The following USP48 variants were observed in gnomAD, a reference collection of about 807,000 sequenced individuals.
USP48 encodes the protein ubiquitin carboxyl-terminal hydrolase 48.
USP48 carries 43 observed loss-of-function variants against 150.7 expected under a neutral mutation model. The observed-to-expected ratio is 0.29, with a 90% CI of 0.22 to 0.37. USP48 has a LOEUF of 0.37. USP48 is among the 10% of genes least tolerant of loss of function. USP48 has a pLI of 1.00. For synonymous variants in USP48, 396 were observed against 425.9 expected, an observed-to-expected ratio of 0.93 and a Z score of 0.86; for missense variants, 813 against 1,249.6, an observed-to-expected ratio of 0.65 and a Z score of 5.27.
At position 21,782,990 on chromosome 1, in the gene USP48, A is replaced by T; in HGVS notation, c.-33T>A. ...GCCCCAGGAACGCCTCCCGAGCCAG[A>T]CCGCCGCAGCCGCCGCCGCGGTCTG... On this transcript the variant is annotated 5_prime_UTR_variant, in exon 1 of 27. Transcript: ENST00000308271. The T allele has an allele frequency of 6.7e-7, 1 of 1,494,572 alleles. No individual in the cohort carries two copies. The highest frequency in any genetic ancestry group is 8.9e-7 in the Non-Finnish European group (1 of 1,129,682). The allele number at this position is 1,494,572 out of a possible 1,614,324, so 92.6% of individuals were successfully genotyped here. A position where few individuals can be genotyped will look rare whatever the true frequency, so the allele number is the denominator to read the frequency against.
At chr1:21,707,163 T>C (rs533784236) in intron 15 of USP48, among the ~76,000 whole-genome samples, 1 of 152,300 alleles carries the variant, frequency 6.6e-6, no homozygotes, top group East Asian at 1.9e-4. Flanking sequence ...GTGCATTTTC[T>C]TTCTCCTTGC....
chr1:21,781,079 T>C (rs2097913230), intron 1 of USP48, among the ~76,000 whole-genome samples: 3 of 150,746 alleles, frequency 2.0e-5, no homozygotes, highest in Admixed American at 1.3e-4. Context: ...TAAAAATTTA[T>C]TTTTTTAAAT....
Position 21,756,720 on chromosome 1 carries a change from T to G in USP48, c.256-18A>C, listed in dbSNP as rs759274456. On this transcript the variant is annotated intron_variant, in intron 2 of 26. Coordinates refer to ENST00000308271, the MANE Select transcript of USP48 (RefSeq NM_032236.8). ...AATGAGTTCTACAAAAATACAAAAT[T>G]CATAATTATAAAACCCATTTTCCTT... 5.0e-6 allele frequency: 8 copies of G among 1,611,322 alleles called. No homozygotes were observed. The highest frequency in any genetic ancestry group is 6.8e-6 in the Non-Finnish European group (8 of 1,179,194).
chr1:21,705,208 T>A (rs2097668735), intron 19 of USP48, among the ~76,000 whole-genome samples: 1 of 152,192 alleles, frequency 6.6e-6, no homozygotes, highest in East Asian at 1.9e-4. Context: ...TTCTACCTTC[T>A]CGTATATCAC....
At chr1:21,685,953 G>A (rs2097579366) in intron 25 of USP48, 1 of 151,730 alleles carries the variant, frequency 6.6e-6, no homozygotes, top group Non-Finnish European at 1.5e-5. Context: ...CTCATCTCTA[G>A]TAAAAATACA....
chr1:21,769,023 G>C (rs2097871123), intron 1 of USP48, among the ~76,000 whole-genome samples: 1 of 152,082 alleles, frequency 6.6e-6, no homozygotes, highest in African/African-American at 2.4e-5. Context: ...TTAAGTATTT[G>C]TGTTCGTTTT....
intron 1 of USP48, 80 bp from the exon 2 acceptor site, chr1:21,757,863 T>TA: frequency 6.9e-7 from 1 of 1,439,498 alleles, no homozygotes; most frequent in Non-Finnish European, 9.2e-7. Flanking sequence ...TAAAATGAGA[T>TA]ACCACTTCTC....
chr1:21,779,016 C>T (rs112567312), intron 1 of USP48, among the ~76,000 whole-genome samples: 11,560 of 151,894 alleles, frequency 0.076, 488 homozygotes, highest in Middle Eastern at 0.11. Context: ...CTCCTGACCT[C>T]GTGATCCGCC....
At chr1:21,782,760 A>G in intron 1 of USP48, 64 bp downstream of exon 1, 1 of 1,471,076 alleles carries the variant, frequency 6.8e-7, no homozygotes, top group Non-Finnish European at 9.0e-7. Context: ...CCTTTCCCCT[A>G]CCCCGCCCGG....
At position 21,721,047 on chromosome 1, in the gene USP48, G is replaced by A; in HGVS notation, c.1883C>T (p.Thr628Ile). The change falls in exon 14 of 27, where the codon ACC becomes ATC. Residue 628 changes from threonine (T) to isoleucine (I), a missense_variant. Transcript: ENST00000308271. The stretch of plus-strand genomic sequence containing the variant: ...GTTTAAAGTGTTACCTTTATTTAAG[G>A]TGCTACCGTTCATCTTTCCGTTGCT... ...EQSNGKMNGS[T>I]LNKDESKEER... 1 of 1,614,190 alleles carries A rather than the reference G, an allele frequency of 6.2e-7. No individual in the cohort carries two copies. Among genetic ancestry groups the A allele is most frequent in the Non-Finnish European group, 8.5e-7 (1 of 1,180,022 alleles).
intron 1 of USP48, among the ~76,000 whole-genome samples, chr1:21,765,901 CAAAAAAAAAAAAAA>C (rs199539331): frequency 3.3e-4 from 37 of 112,142 alleles, no homozygotes; most frequent in African/African-American, 1.4e-3. Flanking sequence ...ACTCCATCTC[CAAAAAAAAAAAAAA>C]AAAAAAAAAA....
chr1:21,757,641 C>A (rs113756872), intron 2 of USP48, 22 bp downstream of exon 2: 1 of 1,600,106 alleles, frequency 6.2e-7, no homozygotes, highest in Non-Finnish European at 8.5e-7. Context: ...ATATAGCAAT[C>A]GCTTAAAAAA....
At chr1:21,780,715 G>A (rs1173498001) in intron 1 of USP48, among the ~76,000 whole-genome samples, 1 of 151,102 alleles carries the variant, frequency 6.6e-6, no homozygotes, top group Non-Finnish European at 1.5e-5. Context: ...AACATACAGG[G>A]CATACAGAGC....
chr1:21,744,489 T>C (rs1200356283), intron 8 of USP48, among the ~76,000 whole-genome samples: 1 of 147,364 alleles, frequency 6.8e-6, no homozygotes, highest in Non-Finnish European at 1.5e-5. Flanking sequence ...TTAACATAGT[T>C]TTTAGGCCAG....
At chr1:21,725,759 A>AG (rs1040890294) in intron 11 of USP48, among the ~76,000 whole-genome samples, 32 of 151,838 alleles carry the variant, frequency 2.1e-4, no homozygotes, top group African/African-American at 7.7e-4. Flanking sequence ...ATCTCAAAAA[A>AG]AAAAAAGAGG....
intron 12 of USP48, among the ~76,000 whole-genome samples, chr1:21,723,136 T>C (rs559036547): frequency 1.3e-5 from 2 of 152,248 alleles, no homozygotes; most frequent in Non-Finnish European, 2.9e-5. Context: ...GGGTACTATG[T>C]GGTCATATAT....
intron 9 of USP48, chr1:21,732,623 CT>C: frequency 3.5e-6 from 1 of 289,088 alleles, no homozygotes; most frequent in Non-Finnish European, 6.8e-6. Flanking sequence ...TCCAGAAGTA[CT>C]TTTTAACTAT....
At position 21,723,887 on chromosome 1, in the gene USP48, T is replaced by C; in HGVS notation, c.1648+11A>G. 2 of 1,608,058 alleles carry C rather than the reference T, an allele frequency of 1.2e-6. No homozygotes were observed. The highest frequency in any genetic ancestry group is 1.7e-6 in the Non-Finnish European group (2 of 1,175,162). On this transcript the variant is annotated intron_variant, in intron 12 of 26. Transcript: ENST00000308271. ...TGCTCTTTTTTAAACAGAGAGGACATCTTGAATTACCAGTTAGTCTTGGAC... is the reference window on the plus strand; with the variant it reads ...TGCTCTTTTTTAAACAGAGAGGACACCTTGAATTACCAGTTAGTCTTGGAC...
At chr1:21,682,866 C>A (rs2097570012) in intron 25 of USP48, among the ~76,000 whole-genome samples, 1 of 149,942 alleles carries the variant, frequency 6.7e-6, no homozygotes, top group African/African-American at 2.5e-5. Context: ...CTGTGAGACT[C>A]CATCTCAGAA....
Sources: gnomAD v4.1 joint callset for allele counts (sites outside exome capture counted in the v4.1 genomes callset) on GRCh38, gnomAD v4.1.1 for gene constraint, MANE v1.5 for transcripts, NCBI Gene and HGNC (gene_info 2026-07-23, HGNC 2026-07-21) for gene names.